NKAIN3: variants seen among roughly 807,000 people sequenced by gnomAD.
NKAIN3 encodes the protein sodium/potassium-transporting ATPase subunit beta-1-interacting protein 3.
NKAIN3 carries 25 observed loss-of-function variants against 30.2 expected under a neutral mutation model. The observed-to-expected ratio is 0.83, with a 90% CI of 0.60 to 1.16. NKAIN3 has a LOEUF of 1.16. Among genes scored for constraint, NKAIN3 ranks in the 50% most tolerant of loss-of-function variants. The pLI is 0.00. For missense variants in NKAIN3, 225 were observed against 254.1 expected, an observed-to-expected ratio of 0.89 and a Z score of 0.78; for synonymous variants, 91 against 89.6, an observed-to-expected ratio of 1.02 and a Z score of -0.09.
At chr8:62,496,105 C>T (rs1275173456) in intron 1 of NKAIN3, among the ~76,000 whole-genome samples, 1 of 151,846 alleles carries the variant, frequency 6.6e-6, no homozygotes, top group East Asian at 1.9e-4. Context: ...ATTAATTTAA[C>T]ATCTTTTAAT....
intron 1 of NKAIN3, among the ~76,000 whole-genome samples, chr8:62,576,007 A>G (rs1563465582): frequency 6.6e-6 from 1 of 152,118 alleles, no homozygotes; most frequent in Non-Finnish European, 1.5e-5. Flanking sequence ...TCAAACTATA[A>G]AACTACTAGA....
At chr8:62,341,379 T>C (rs1815740009) in intron 1 of NKAIN3, among the ~76,000 whole-genome samples, 1 of 152,068 alleles carries the variant, frequency 6.6e-6, no homozygotes, top group Non-Finnish European at 1.5e-5. Context: ...TAACAGTTAG[T>C]CTAGATGAAA....
chr8:62,609,824 A>G (rs922314843), intron 3 of NKAIN3, among the ~76,000 whole-genome samples: 1 of 152,138 alleles, frequency 6.6e-6, no homozygotes, highest in African/African-American at 2.4e-5. Flanking sequence ...ATGCCGAGTC[A>G]TGTTGCTAGC....
intron 4 of NKAIN3, among the ~76,000 whole-genome samples, chr8:62,905,985 T>C (rs1407813950): frequency 6.6e-6 from 1 of 152,192 alleles, no homozygotes; most frequent in Non-Finnish European, 1.5e-5. Context: ...GCAACCTTCG[T>C]GCATGAGGTA....
chr8:62,609,601 T>C lies in NKAIN3; in HGVS notation c.273+19807T>C, dbSNP rs577126100. Among the ~76,000 whole-genome samples the C allele has an allele frequency of 5.3e-5, 8 of 152,134 alleles. No individual in the cohort carries two copies. The South Asian group carries it at 1.2e-3, about 24-fold the overall frequency. ...TTATTCTGGGGAAAGAGACATAATATATAAATAAATAAATATACACTATAA... is the reference window on the plus strand; with the variant it reads ...TTATTCTGGGGAAAGAGACATAATACATAAATAAATAAATATACACTATAA... On this transcript the variant is annotated intron_variant, in intron 3 of 6. Coordinates refer to ENST00000623646, the MANE Select transcript of NKAIN3 (RefSeq NM_001304533.3).
chr8:62,837,113 T>A (rs866640840), intron 4 of NKAIN3, among the ~76,000 whole-genome samples: 3 of 152,164 alleles, frequency 2.0e-5, no homozygotes, highest in South Asian at 2.1e-4. Flanking sequence ...GCTTTTCCAG[T>A]GTTAGAACCT....
chr8:62,910,622 G>A (rs986970939), intron 4 of NKAIN3, among the ~76,000 whole-genome samples: 1 of 152,072 alleles, frequency 6.6e-6, no homozygotes, highest in African/African-American at 2.4e-5. Context: ...ATATGAATAT[G>A]TATAACAAAA....
intron 5 of NKAIN3, among the ~76,000 whole-genome samples, chr8:62,949,411 A>C (rs1443156562): frequency 6.6e-6 from 1 of 152,226 alleles, no homozygotes; most frequent in African/African-American, 2.4e-5. Context: ...TGCTGCTATA[A>C]ATCTAAAGTA....
chr8:62,550,859 G>A (rs923023053), intron 1 of NKAIN3, among the ~76,000 whole-genome samples: 1 of 152,272 alleles, frequency 6.6e-6, no homozygotes, highest in African/African-American at 2.4e-5. Context: ...CAAATTCCTA[G>A]TATATTTCTA....
At chr8:62,861,622 G>C (rs1820241188) in intron 4 of NKAIN3, among the ~76,000 whole-genome samples, 2 of 152,134 alleles carry the variant, frequency 1.3e-5, no homozygotes, top group South Asian at 4.1e-4. Flanking sequence ...GACTTTTTCA[G>C]CCCAAAGCCC....
At chr8:62,812,299 T>G (rs1004625886) in intron 4 of NKAIN3, among the ~76,000 whole-genome samples, 1 of 151,908 alleles carries the variant, frequency 6.6e-6, no homozygotes, top group Non-Finnish European at 1.5e-5. Context: ...TTGGAATTGT[T>G]TTACATATTT....
intron 4 of NKAIN3, among the ~76,000 whole-genome samples, chr8:62,799,404 C>T (rs1254897734): frequency 1.3e-5 from 2 of 152,062 alleles, no homozygotes; most frequent in Non-Finnish European, 2.9e-5. Flanking sequence ...AGATCATTCT[C>T]AAAAGAAGAT....
At position 62,788,058 on chromosome 8, in the gene NKAIN3, T is replaced by G. The variant is rs1282677441; in HGVS notation, c.471+40929T>G. ...GGGTATTTGGGTATACACCCAGTAA[T>G]GGGGTGGCTGGGTCAAATGGTATTT... On this transcript the variant is annotated intron_variant, in intron 4 of 6. Coordinates refer to ENST00000623646, the MANE Select transcript of NKAIN3 (RefSeq NM_001304533.3). Among the ~76,000 whole-genome samples, 3 of 152,132 alleles carry G rather than the reference T, an allele frequency of 2.0e-5. No individual in the cohort carries two copies. In the East Asian group the frequency reaches 5.8e-4, roughly 29 times the overall value.
intron 1 of NKAIN3, among the ~76,000 whole-genome samples, chr8:62,338,150 T>C (rs1815628292): frequency 6.6e-6 from 1 of 152,016 alleles, no homozygotes; most frequent in South Asian, 2.1e-4. Flanking sequence ...TTTTAAACTG[T>C]GATAGGTTGT....
At chr8:62,684,281 G>T (rs951696643) in intron 3 of NKAIN3, among the ~76,000 whole-genome samples, 1 of 152,202 alleles carries the variant, frequency 6.6e-6, no homozygotes, top group Admixed American at 6.5e-5. Flanking sequence ...CAGATGTCCA[G>T]CTAGGGAAGA....
chr8:62,304,837 C>T (rs1411689949), intron 1 of NKAIN3, among the ~76,000 whole-genome samples: 6 of 150,190 alleles, frequency 4.0e-5, no homozygotes, highest in Admixed American at 4.0e-4. Context: ...GTTCATAGGC[C>T]AGCAGAAGCT....
chr8:62,777,488 G>A (rs918855566), intron 4 of NKAIN3, among the ~76,000 whole-genome samples: 3 of 152,018 alleles, frequency 2.0e-5, no homozygotes, highest in Non-Finnish European at 4.4e-5. Context: ...AAGAGAGTCT[G>A]ATGCATTCAT....
chr8:62,566,472 T>C (rs1383110349), intron 1 of NKAIN3, among the ~76,000 whole-genome samples: 1 of 151,954 alleles, frequency 6.6e-6, no homozygotes, highest in East Asian at 1.9e-4. Context: ...AGAAAAAAAT[T>C]AATTAATGGC....
chr8:62,980,531 T>A lies in NKAIN3; in HGVS notation c.*15124T>A, dbSNP rs1380491262. On this transcript the variant is annotated 3_prime_UTR_variant, in exon 7 of 7. Transcript: ENST00000623646. ...AGCTTTCTGGTTCCTTCATCAAAAC[T>A]TGCGTTGTGTTGTGCAGCCTTTTCT... 1 of 152,226 alleles carries A rather than the reference T, an allele frequency of 6.6e-6. No homozygotes were observed. The highest frequency in any genetic ancestry group is 1.5e-5 in the Non-Finnish European group (1 of 68,038). The allele number at this position is 152,226 out of a possible 1,614,324, so 9.4% of individuals were successfully genotyped here. A position where few individuals can be genotyped will look rare whatever the true frequency, so the allele number is the denominator to read the frequency against.
Sources: gnomAD v4.1 joint callset for allele counts (sites outside exome capture counted in the v4.1 genomes callset) on GRCh38, gnomAD v4.1.1 for gene constraint, MANE v1.5 for transcripts, NCBI Gene and HGNC (gene_info 2026-07-23, HGNC 2026-07-21) for gene names.